PRKN: variants seen among roughly 807,000 people sequenced by gnomAD.
PRKN encodes the protein parkin RBR E3 ubiquitin protein ligase.
In PRKN, 56 loss-of-function variants were observed where a neutral mutation model predicts 59.5. The observed-to-expected ratio is 0.94, with a 90% confidence interval of 0.76 to 1.18. PRKN has a LOEUF of 1.18. Among genes scored for constraint, PRKN ranks in the 50% most tolerant of loss-of-function variants. The pLI is 0.00. For missense variants in PRKN, 657 were observed against 596.4 expected (o/e 1.10, Z -1.06); for synonymous variants, 250 against 222.1 (o/e 1.13, Z -1.12).
chr6:161,816,995 T>TAC (rs1381185193), intron 6 of PRKN, among the ~76,000 whole-genome samples: 2 of 152,076 alleles, frequency 1.3e-5, no homozygotes, highest in Admixed American at 6.6e-5. Flanking sequence ...ATTACTTTCA[T>TAC]ACACACACAC....
intron 1 of PRKN, among the ~76,000 whole-genome samples, chr6:162,619,144 CTTTTTT>C (rs144005690): frequency 1.5e-5 from 2 of 132,178 alleles, no homozygotes; most frequent in Admixed American, 7.7e-5. Context: ...AGTATTTTTC[CTTTTTT>C]TTTTTTTTTT....
chr6:161,764,082 T>C (rs958609657), intron 7 of PRKN, among the ~76,000 whole-genome samples: 1 of 152,194 alleles, frequency 6.6e-6, no homozygotes, highest in Non-Finnish European at 1.5e-5. Flanking sequence ...TCTTTCACTC[T>C]CCTCCAGCCA....
intron 7 of PRKN, among the ~76,000 whole-genome samples, chr6:161,726,362 C>T (rs1787440171): frequency 6.6e-6 from 1 of 152,156 alleles, no homozygotes; most frequent in South Asian, 2.1e-4. Flanking sequence ...ACAGATCATT[C>T]AGTTGTTGCA....
chr6:162,286,989 C>G (rs985132086), intron 2 of PRKN, among the ~76,000 whole-genome samples: 1 of 152,146 alleles, frequency 6.6e-6, no homozygotes, highest in Admixed American at 6.5e-5. Context: ...ATTAACACAT[C>G]TAAATTTTGC....
At chr6:161,441,440 T>C (rs1468574798) in intron 9 of PRKN, among the ~76,000 whole-genome samples, 2 of 150,796 alleles carry the variant, frequency 1.3e-5, no homozygotes, top group African/African-American at 4.9e-5. Flanking sequence ...AGGTCAGGAG[T>C]TTGAAACCAG....
At chr6:162,612,166 C>G (rs1782207528) in intron 1 of PRKN, among the ~76,000 whole-genome samples, 1 of 134,150 alleles carries the variant, frequency 7.5e-6, no homozygotes, top group South Asian at 2.4e-4. Context: ...GCACTCCAGC[C>G]TCGGAGACAG....
chr6:161,695,010 C>G (rs186136815), intron 7 of PRKN, among the ~76,000 whole-genome samples: 196 of 152,220 alleles, frequency 1.3e-3, no homozygotes, highest in Middle Eastern at 6.8e-3. Flanking sequence ...TCTTAAAAAC[C>G]TCCCCAGGCA....
intron 7 of PRKN, among the ~76,000 whole-genome samples, chr6:161,733,030 G>GA (rs1350470313): frequency 6.6e-6 from 1 of 151,774 alleles, no homozygotes; most frequent in African/African-American, 2.4e-5. Flanking sequence ...GCTGCTAACA[G>GA]AAAAAAACAA....
intron 1 of PRKN, among the ~76,000 whole-genome samples, chr6:162,648,936 C>G (rs1449307996): frequency 6.6e-6 from 1 of 152,120 alleles, no homozygotes; most frequent in African/African-American, 2.4e-5. Flanking sequence ...GGGTCCTCAT[C>G]TAATCAGTTG....
intron 1 of PRKN, among the ~76,000 whole-genome samples, chr6:162,684,764 G>GA (rs1481262857): frequency 7.2e-5 from 11 of 151,986 alleles, no homozygotes; most frequent in African/African-American, 2.7e-4. Flanking sequence ...AACAAAACCA[G>GA]AAAAAATGAT....
At chr6:162,284,734 C>T (rs1315866640) in intron 2 of PRKN, among the ~76,000 whole-genome samples, 1 of 152,206 alleles carries the variant, frequency 6.6e-6, no homozygotes, top group Non-Finnish European at 1.5e-5. Flanking sequence ...TATTCGTATA[C>T]ATCTGGGCCA....
At chr6:162,112,993 C>A (rs372434260) in intron 4 of PRKN, among the ~76,000 whole-genome samples, 3 of 152,038 alleles carry the variant, frequency 2.0e-5, no homozygotes, top group East Asian at 3.9e-4. Flanking sequence ...CCGATTTCAT[C>A]GTTTAAAACC....
chr6:161,929,944 G>A (rs1036366529), intron 6 of PRKN, among the ~76,000 whole-genome samples: 6 of 152,202 alleles, frequency 3.9e-5, no homozygotes, highest in African/African-American at 7.2e-5. Context: ...GAATAAACAA[G>A]GAAGGTGTTC....
At chr6:162,162,000 AG>A (rs1562551031) in intron 4 of PRKN, among the ~76,000 whole-genome samples, 1 of 150,608 alleles carries the variant, frequency 6.6e-6, no homozygotes, top group African/African-American at 2.4e-5. Flanking sequence ...TTCAACCAAA[AG>A]AAACAAAATG....
At chr6:161,834,885 G>A (rs1317008324) in intron 6 of PRKN, among the ~76,000 whole-genome samples, 1 of 152,126 alleles carries the variant, frequency 6.6e-6, no homozygotes, top group Non-Finnish European at 1.5e-5. Context: ...GAAGGTCTGT[G>A]GGATGAGCCA....
At chr6:161,818,905 G>A (rs547132067) in intron 6 of PRKN, among the ~76,000 whole-genome samples, 45 of 152,272 alleles carry the variant, frequency 3.0e-4, no homozygotes, top group African/African-American at 1.0e-3. Flanking sequence ...ATGGGAGCCA[G>A]ACGGAGTCAG....
At position 161,501,226 on chromosome 6, in the gene PRKN, T is replaced by G. The variant is rs550159560; in HGVS notation, c.1083+47628A>C. On this transcript the variant is annotated intron_variant, in intron 9 of 11. Coordinates refer to ENST00000366898, the MANE Select transcript of PRKN (RefSeq NM_004562.3). Reference sequence around the variant, plus strand: ...TGTCTTCCAAAGAGACTGTACCATTTTGCATTCCCACCAACAGTGAATGAG... The same window carrying G: ...TGTCTTCCAAAGAGACTGTACCATTGTGCATTCCCACCAACAGTGAATGAG... Among the ~76,000 whole-genome samples, 35 of 152,292 alleles carry G rather than the reference T, an allele frequency of 2.3e-4. 1 individual carries two copies. In the South Asian group the frequency reaches 6.4e-3, roughly 28 times the overall value.
At chr6:161,556,648 A>C (rs1697219633) in intron 8 of PRKN, among the ~76,000 whole-genome samples, 2 of 152,340 alleles carry the variant, frequency 1.3e-5, no homozygotes, top group East Asian at 3.9e-4. Context: ...AGTAACTAAT[A>C]AATCTACCCC....
rs11759715 is a variant in PRKN at position 161,400,377 on chromosome 6, C to T, written c.1084-13500G>A. Among the ~76,000 whole-genome samples, 19 of 151,820 alleles carry T rather than the reference C, an allele frequency of 1.3e-4. No individual in the cohort carries two copies. Among genetic ancestry groups the T allele is most frequent in the African/African-American group, 4.1e-4 (17 of 41,370 alleles). ...GGCTGGAGTGCAATGGCACGATCTC[C>T]GCTCACTGCAACCTGTACCTCCCAG... On this transcript the variant is annotated intron_variant, in intron 9 of 11. Coordinates refer to ENST00000366898, the MANE Select transcript of PRKN (RefSeq NM_004562.3). The surrounding 1 kb of genome is among the most constrained non-coding windows in gnomAD (Gnocchi z 4.2).
Sources: allele counts gnomAD v4.1 joint callset (sites outside exome capture counted in the v4.1 genomes callset), GRCh38; gene constraint gnomAD v4.1.1; non-coding constraint Gnocchi (gnomAD v3.1); transcripts MANE v1.5; gene names NCBI Gene and HGNC (gene_info 2026-07-23, HGNC 2026-07-21).